Variants in CAST observed in about 807,000 individuals in gnomAD.
CAST encodes calpastatin, also known as MIR583 host.
Under a neutral mutation model 119.6 loss-of-function variants are expected in CAST, and 76 were observed. That is an observed-to-expected ratio of 0.64 (90% CI 0.53 to 0.77). The LOEUF (loss-of-function observed/expected upper bound fraction) is 0.77. CAST is among the 30% of genes least tolerant of loss of function. CAST has a pLI of 0.00. For synonymous variants in CAST, 319 were observed against 331.6 expected, an observed-to-expected ratio of 0.96 and a Z score of 0.41; for missense variants, 953 against 946.5, an observed-to-expected ratio of 1.01 and a Z score of -0.09.
At chr5:96,195,759 C>T in the CAST span, among the ~76,000 whole-genome samples, 2 of 151,988 alleles carry the variant, frequency 1.3e-5, no homozygotes, top group African/African-American at 4.8e-5. Flanking sequence ...GCGCAAATTG[C>T]CAAACAGATA....
chr5:96,701,787 A>G (rs1462299512), intron 3 of CAST, among the ~76,000 whole-genome samples: 1 of 150,564 alleles, frequency 6.6e-6, no homozygotes, highest in Non-Finnish European at 1.5e-5. Context: ...CCTGGGCCAC[A>G]TAGCGAGAAT....
the CAST span, chr5:96,425,749 G>T: frequency 1.4e-5 from 11 of 810,628 alleles, no homozygotes; most frequent in African/African-American, 1.7e-5. Context: ...AAAAATCCAT[G>T]TTGCAAATGT....
chr5:96,674,371 T>C (rs1750455750), intron 1 of CAST, among the ~76,000 whole-genome samples: 1 of 151,520 alleles, frequency 6.6e-6, no homozygotes, highest in South Asian at 2.1e-4. Flanking sequence ...CTGACCTATA[T>C]ATCTAGGTTA....
intron 1 of CAST, chr5:96,663,222 A>G: frequency 1.4e-6 from 1 of 702,368 alleles, no homozygotes; most frequent in Non-Finnish European, 2.6e-6. Context: ...GTTGGAAGGG[A>G]GTGTGTTTGC....
At chr5:96,490,139 TTC>T in the CAST span, among the ~76,000 whole-genome samples, 4 of 152,338 alleles carry the variant, frequency 2.6e-5, no homozygotes, top group Middle Eastern at 3.4e-3. Flanking sequence ...ACTCCCCTGC[TTC>T]TCTCTGTTCT....
At chr5:96,077,861 A>G in the CAST span, among the ~76,000 whole-genome samples, 2 of 152,334 alleles carry the variant, frequency 1.3e-5, no homozygotes, top group Non-Finnish European at 2.9e-5. Context: ...CAGCCTCAAC[A>G]TAAGATGAAC....
At chr5:96,697,381 G>A (rs961603754) in intron 3 of CAST, among the ~76,000 whole-genome samples, 18 of 151,646 alleles carry the variant, frequency 1.2e-4, no homozygotes, top group African/African-American at 1.9e-4. Context: ...TAGTATTTTC[G>A]TGTCACTCAG....
chr5:96,518,270 C>A, the CAST span, among the ~76,000 whole-genome samples: 1 of 152,166 alleles, frequency 6.6e-6, no homozygotes, highest in Non-Finnish European at 1.5e-5. Context: ...CATACCCTTC[C>A]CTCTTCCTCC....
chr5:96,284,084 G>T, the CAST span, among the ~76,000 whole-genome samples: 2 of 152,064 alleles, frequency 1.3e-5, no homozygotes, highest in Non-Finnish European at 2.9e-5. Flanking sequence ...CTCACCTTCT[G>T]CAACTGTTCA....
At chr5:96,196,328 C>T in the CAST span, among the ~76,000 whole-genome samples, 15 of 152,030 alleles carry the variant, frequency 9.9e-5, no homozygotes, top group Non-Finnish European at 1.8e-4. Context: ...CTTCTTTTTG[C>T]GTCTAGGTTC....
the CAST span, among the ~76,000 whole-genome samples, chr5:96,092,465 CTCT>C: frequency 6.6e-6 from 1 of 152,198 alleles, no homozygotes; most frequent in Non-Finnish European, 1.5e-5. Context: ...ACATCCTCAA[CTCT>C]TCCCCTTCCA....
chr5:96,423,213 T>G, the CAST span: 1 of 1,169,908 alleles, frequency 8.5e-7, no homozygotes, highest in Non-Finnish European at 1.3e-6. Flanking sequence ...TCCCAGGGAC[T>G]GACACCAGAG....
chr5:96,370,070 G>T, the CAST span, among the ~76,000 whole-genome samples: 1 of 151,888 alleles, frequency 6.6e-6, no homozygotes, highest in South Asian at 2.1e-4. Flanking sequence ...AAGAGGATCT[G>T]AATGGCTAAG....
the CAST span, among the ~76,000 whole-genome samples, chr5:96,451,225 A>G: frequency 6.6e-6 from 1 of 152,254 alleles, no homozygotes; most frequent in Admixed American, 6.5e-5. Flanking sequence ...TACCACCTCC[A>G]TACTACTTCC....
the CAST span, among the ~76,000 whole-genome samples, chr5:96,349,814 T>A: frequency 2.0e-5 from 3 of 152,052 alleles, no homozygotes; most frequent in Admixed American, 1.3e-4. Context: ...TGAGCTTTAG[T>A]AAAATAGCTG....
At chr5:96,332,237 G>A in the CAST span, among the ~76,000 whole-genome samples, 2 of 152,174 alleles carry the variant, frequency 1.3e-5, no homozygotes, top group South Asian at 4.1e-4. Context: ...TTTATTATAA[G>A]ACCATGTTTC....
chr5:96,002,798 C>T, the CAST span, among the ~76,000 whole-genome samples: 1 of 152,196 alleles, frequency 6.6e-6, no homozygotes, highest in Non-Finnish European at 1.5e-5. Flanking sequence ...TGCAAGGCTG[C>T]TCTGAATAAT....
the CAST span, among the ~76,000 whole-genome samples, chr5:96,430,472 C>A: frequency 6.6e-6 from 1 of 152,172 alleles, no homozygotes; most frequent in African/African-American, 2.4e-5. Context: ...GTGGATGGAA[C>A]TGGGGAGAGA....
the CAST span, among the ~76,000 whole-genome samples, chr5:96,207,566 T>C: frequency 6.6e-6 from 1 of 152,126 alleles, no homozygotes; most frequent in Non-Finnish European, 1.5e-5. Flanking sequence ...GATCATGTGG[T>C]TTTTGTTTTT....
Sources: gnomAD v4.1 joint callset for allele counts (sites outside exome capture counted in the v4.1 genomes callset) on GRCh38, gnomAD v4.1.1 for gene constraint, MANE v1.5 for transcripts, NCBI Gene and HGNC (gene_info 2026-07-23, HGNC 2026-07-21) for gene names.